The following CCDC157 variants were observed in gnomAD, a reference collection of about 807,000 sequenced individuals.
The protein encoded by CCDC157 is coiled-coil domain containing 157, also known as coiled-coil domain-containing protein 157.
Under a neutral mutation model 70.9 loss-of-function variants are expected in CCDC157, and 60 were observed. That is an observed-to-expected ratio of 0.85 (90% CI 0.69 to 1.05). The LOEUF is 1.05. CCDC157 is among the 50% of genes least tolerant of loss of function. CCDC157 has a pLI of 0.00. For synonymous variants in CCDC157, 373 were observed against 422.4 expected (o/e 0.88, Z 1.43); for missense variants, 943 against 984.2 (o/e 0.96, Z 0.56).
intron 4 of CCDC157, chr22:30,369,992 T>A: frequency 2.1e-6 from 1 of 487,048 alleles, no homozygotes. Context: ...TGAGAGTGGT[T>A]ATGGTGACAC....
At chr22:30,362,622 A>G (rs1030005481) in intron 2 of CCDC157, among the ~76,000 whole-genome samples, 59 of 152,220 alleles carry the variant, frequency 3.9e-4, no homozygotes, top group Admixed American at 4.6e-4. Flanking sequence ...ATGTACAACC[A>G]GGATGGACCA....
intron 7 of CCDC157, chr22:30,372,514 C>T (rs1292403631): frequency 2.7e-5 from 14 of 514,000 alleles, no homozygotes; most frequent in Non-Finnish European, 4.2e-5. Context: ...TCTGGAAGAG[C>T]GCCCCACAGG....
At chr22:30,356,698 C>T (rs774997181), upstream of CCDC157, 3 of 1,447,720 alleles carry the variant, frequency 2.1e-6, no homozygotes, top group South Asian at 1.4e-5. Flanking sequence ...GCCAACCCTC[C>T]GGCTGCAGGC....
At chr22:30,362,538 T>A (rs992354100) in intron 2 of CCDC157, among the ~76,000 whole-genome samples, 1 of 152,110 alleles carries the variant, frequency 6.6e-6, no homozygotes, top group African/African-American at 2.4e-5. Flanking sequence ...CGGTCCAGTC[T>A]TAGTGCTGTA....
chr22:30,372,436 A>T, intron 7 of CCDC157, 150 bp downstream of exon 7: 1 of 1,132,124 alleles, frequency 8.8e-7, no homozygotes, highest in Non-Finnish European at 1.2e-6. Context: ...CTTTACAGAG[A>T]GTCTACCCTG....
intron 1 of CCDC157, among the ~76,000 whole-genome samples, chr22:30,361,596 G>A (rs1020837745): frequency 2.6e-5 from 4 of 152,148 alleles, no homozygotes; most frequent in African/African-American, 9.7e-5. Flanking sequence ...TTGTGTGTGT[G>A]GCTTATAGTA....
At chr22:30,362,529 G>A (rs536079111) in intron 2 of CCDC157, among the ~76,000 whole-genome samples, 54 of 152,272 alleles carry the variant, frequency 3.5e-4, no homozygotes, top group African/African-American at 1.2e-3. Context: ...CCCAGGAAGC[G>A]GTCCAGTCTT....
intron 9 of CCDC157, 140 bp downstream of exon 9, chr22:30,374,231 CCT>C (rs926468296): frequency 4.1e-6 from 4 of 983,440 alleles, no homozygotes; most frequent in Non-Finnish European, 4.5e-6. Context: ...CAGCGCAGCC[CCT>C]GTGGACCCAC....
chr22:30,361,009 T>C (rs369362127), intron 1 of CCDC157, among the ~76,000 whole-genome samples: 1 of 152,042 alleles, frequency 6.6e-6, no homozygotes, highest in Non-Finnish European at 1.5e-5. Context: ...ATCGCACCAC[T>C]GCACTCCAGG....
At chr22:30,361,231 G>A (rs1932318642) in intron 1 of CCDC157, among the ~76,000 whole-genome samples, 1 of 140,710 alleles carries the variant, frequency 7.1e-6, no homozygotes, top group Non-Finnish European at 1.5e-5. Context: ...CTGGGTGACA[G>A]AGCAAGACTC....
At position 30,372,241 on chromosome 22, in the gene CCDC157, G is replaced by GGATA; in HGVS notation, c.1291_1294dup (p.Lys432ArgfsTer2). 2 of 1,598,950 alleles carry GGATA rather than the reference G, an allele frequency of 1.3e-6. No homozygotes were observed. Among genetic ancestry groups the GGATA allele is most frequent in the Non-Finnish European group, 1.7e-6 (2 of 1,175,350 alleles). ...AGGTCTGCTGGGCCAGCACGGAGCT[G>GGATA]GATAAGGAGAAGGCCCGTGTCGACA... On this transcript the variant is annotated frameshift_variant, in exon 7 of 12. Transcript: ENST00000338306. LOFTEE classifies it high-confidence loss of function.
chr22:30,374,144 T>C, intron 9 of CCDC157, 53 bp downstream of exon 9: 1 of 1,539,498 alleles, frequency 6.5e-7, no homozygotes, highest in Non-Finnish European at 8.8e-7. Context: ...GGCCAGCAGC[T>C]GAGGGCTCGT....
At position 30,369,462 on chromosome 22, in the gene CCDC157, C is replaced by G. The variant is rs748338694; in HGVS notation, c.279C>G (p.Ser93Arg). The G allele has an allele frequency of 7.1e-6, 11 of 1,556,208 alleles. No individual in the cohort carries two copies. Among genetic ancestry groups the G allele is most frequent in the Non-Finnish European group, 8.7e-6 (10 of 1,149,560 alleles). The change falls in exon 4 of 12, where the codon AGC (serine) becomes AGG (arginine). Residue 93 changes from serine (S) to arginine (R), a missense_variant. Coordinates refer to ENST00000338306, the MANE Select transcript of CCDC157 (RefSeq NM_001017437.5). ...RLLLLLQSCM[S>R]YLENLGSEQM... is the part of the protein sequence containing the mutation. The stretch of plus-strand genomic sequence containing the variant: ...TGCTGCTGCTTCAAAGCTGTATGAG[C>G]TACTTGGAGAACCTTGGCTCAGAGC...
At chr22:30,361,249 A>G (rs1423248058) in intron 1 of CCDC157, among the ~76,000 whole-genome samples, 1 of 145,572 alleles carries the variant, frequency 6.9e-6, no homozygotes, top group Non-Finnish European at 1.5e-5. Flanking sequence ...CTCTGTCTCA[A>G]AAAAAAAAAA....
Position 30,372,209 on chromosome 22 carries a change from G to T in CCDC157, c.1258G>T (p.Gly420Cys). 1.3e-6 allele frequency: 2 copies of T among 1,595,054 alleles called. No individual in the cohort carries two copies. The highest frequency in any genetic ancestry group is 8.5e-7 in the Non-Finnish European group (1 of 1,174,018). Reference protein sequence around the residue: ...QLLVGRLEGAGQQVCWASTEL... With the variant: ...QLLVGRLEGACQQVCWASTEL... ...GTTGGTGGGTCGGCTGGAGGGCGCT[G>T]GCCAGCAGGTCTGCTGGGCCAGCAC... The change falls in exon 7 of 12, where the codon GGC becomes TGC. Residue 420 changes from glycine to cysteine, a missense_variant. Transcript: ENST00000338306.
intron 3 of CCDC157, chr22:30,369,003 A>T (rs1447107239): frequency 6.5e-6 from 1 of 153,540 alleles, no homozygotes; most frequent in Non-Finnish European, 1.4e-5. Flanking sequence ...GCTCTGCCCT[A>T]TCAATGTGTG....
chr22:30,356,689 C>T, upstream of CCDC157: 1 of 1,427,836 alleles, frequency 7.0e-7, no homozygotes, highest in East Asian at 2.9e-5. Flanking sequence ...AGCGCCCAGG[C>T]CAACCCTCCG....
chr22:30,376,187 G>A (rs558879466), intron 10 of CCDC157, 72 bp from the exon 11 acceptor site: 166 of 1,414,652 alleles, frequency 1.2e-4, no homozygotes, highest in Middle Eastern at 2.0e-4. Flanking sequence ...CCCTGGCTAC[G>A]ACACCCTCTC....
chr22:30,372,431 CAG>C lies in CCDC157; in HGVS notation c.1335+150_1335+151del, dbSNP rs1933014337. On this transcript the variant is annotated intron_variant, in intron 7 of 11. Transcript: ENST00000338306. ...AGGTGTGGGGGTTGACTCACCTTTA[CAG>C]AGAGTCTACCCTGAACCAGGCACTG... 38 of 1,151,930 alleles carry C rather than the reference CAG, an allele frequency of 3.3e-5. 1 individual carries two copies. In the South Asian group the frequency reaches 5.7e-4, roughly 17 times the overall value. 71.4% of individuals were successfully genotyped at this position (1,151,930 alleles called of 1,614,324 possible).
Sources: gnomAD v4.1 joint callset for allele counts (sites outside exome capture counted in the v4.1 genomes callset) on GRCh38, gnomAD v4.1.1 for gene constraint, MANE v1.5 for transcripts, NCBI Gene and HGNC (gene_info 2026-07-23, HGNC 2026-07-21) for gene names.